PTPRB: variants seen among roughly 807,000 people sequenced by gnomAD.
PTPRB encodes the protein protein tyrosine phosphatase receptor type B, also known as receptor-type tyrosine-protein phosphatase beta.
A neutral mutation model predicts 238.1 loss-of-function variants in PTPRB; 97 were observed. That is an observed-to-expected ratio of 0.41 (90% CI 0.35 to 0.48). PTPRB has a LOEUF of 0.48. Among genes scored for constraint, PTPRB ranks in the 20% least tolerant of loss-of-function variants. PTPRB has a pLI of 0.30. For missense variants in PTPRB, 2,292 were observed against 2,681.9 expected, an observed-to-expected ratio of 0.85 and a Z score of 3.21; for synonymous variants, 970 against 995.4, an observed-to-expected ratio of 0.97 and a Z score of 0.48.
chr12:70,548,795 T>A (rs1235936603), intron 21 of PTPRB, among the ~76,000 whole-genome samples: 1 of 152,200 alleles, frequency 6.6e-6, no homozygotes, highest in African/African-American at 2.4e-5. Context: ...TCACCCTCTG[T>A]TTGAAACTGG....
intron 4 of PTPRB, among the ~76,000 whole-genome samples, chr12:70,607,155 C>A (rs1351418273): frequency 6.6e-6 from 1 of 152,224 alleles, no homozygotes; most frequent in Non-Finnish European, 1.5e-5. Flanking sequence ...ACTAATTACA[C>A]CCACAGTAAG....
intron 28 of PTPRB, 55 bp from the exon 29 acceptor site, chr12:70,536,214 T>A (rs1874101389): frequency 6.4e-7 from 1 of 1,561,346 alleles, no homozygotes; most frequent in South Asian, 1.2e-5. Flanking sequence ...TTCAGAACTA[T>A]AAACAAAGAG....
chr12:70,586,932 A>G (rs1320738151), intron 9 of PTPRB, 75 bp downstream of exon 9: 20 of 1,408,438 alleles, frequency 1.4e-5, no homozygotes, highest in Non-Finnish European at 1.7e-5. Flanking sequence ...GTTAATGAAT[A>G]CTTGTAAATT....
rs747542799 is a variant in PTPRB at position 70,534,903 on chromosome 12, T to G, written c.6134A>C (p.Asp2045Ala). 4 of 1,613,718 alleles carry G rather than the reference T, an allele frequency of 2.5e-6. No individual in the cohort carries two copies. Among genetic ancestry groups the G allele is most frequent in the Non-Finnish European group, 3.4e-6 (4 of 1,179,820 alleles). ...PADQDSLYYGDLILQMLSESV... is the reference protein window; with the variant it reads ...PADQDSLYYGALILQMLSESV... ...CTCTGAGAGCATCTGCAGGATGAGG[T>G]CCCCATAGTAGAGGGAATCCTGGTC... The change falls in exon 30 of 34, where the codon GAC (aspartate) becomes GCC (alanine). Residue 2045 changes from aspartate to alanine, a missense_variant. Asp to Ala is a moderately radical substitution (Grantham distance 126, BLOSUM62 -2). Around this residue, in one of 4 missense-constraint regions of PTPRB, gnomAD observed 397 missense variants for 502.0 expected, o/e 0.79. Coordinates refer to ENST00000334414, the MANE Select transcript of PTPRB (RefSeq NM_001109754.4).
chr12:70,569,221 G>A (rs1227399808), intron 14 of PTPRB, among the ~76,000 whole-genome samples: 1 of 152,044 alleles, frequency 6.6e-6, no homozygotes, highest in Non-Finnish European at 1.5e-5. Context: ...TTCCACCTCA[G>A]CCTTCCAAGC....
chr12:70,634,220 A>G (rs1161889699), intron 2 of PTPRB, among the ~76,000 whole-genome samples: 2 of 152,208 alleles, frequency 1.3e-5, no homozygotes, highest in African/African-American at 2.4e-5. Context: ...AAAATTGTCC[A>G]AAGATTACCA....
intron 4 of PTPRB, among the ~76,000 whole-genome samples, chr12:70,600,316 G>A (rs577703379): frequency 6.6e-6 from 1 of 152,248 alleles, no homozygotes; most frequent in East Asian, 1.9e-4. Flanking sequence ...TGACTCACTC[G>A]TGTTGTATAG....
At chr12:70,613,202 C>T (rs1884537545) in intron 3 of PTPRB, among the ~76,000 whole-genome samples, 1 of 151,926 alleles carries the variant, frequency 6.6e-6, no homozygotes, top group South Asian at 2.1e-4. Flanking sequence ...TAGGTTAATC[C>T]ACACTCCCAT....
Position 70,559,464 on chromosome 12 carries a change from T to A in PTPRB, c.4593A>T (p.Lys1531Asn). ...LTVFNPYNNR[K>N]SEGRIVYGLR... ...GACCATACACAATGCGTCCTTCTGA[T>A]TTTCTGTTGTTGTAGGGGTTGAAGA... The change falls in exon 18 of 34, where the codon AAA (lysine) becomes AAT (asparagine). Residue 1531 changes from lysine (K) to asparagine (N), a missense_variant. Around this residue, in one of 4 missense-constraint regions of PTPRB, gnomAD observed 683 missense variants for 862.0 expected, o/e 0.79. Coordinates refer to ENST00000334414, the MANE Select transcript of PTPRB (RefSeq NM_001109754.4). 1 of 1,613,996 alleles carries A rather than the reference T, an allele frequency of 6.2e-7. No homozygotes were observed. The highest frequency in any genetic ancestry group is 1.7e-5 in the Admixed American group (1 of 60,024).
In PTPRB at chr12:70,604,125, C is replaced by G. The variant is rs560865343; in HGVS notation, c.979+4944G>C. On this transcript the variant is annotated intron_variant, in intron 4 of 33. Coordinates refer to ENST00000334414, the MANE Select transcript of PTPRB (RefSeq NM_001109754.4). ...GTGTGGTATTGGGTACCTGTAGTCC[C>G]AGCCACTCAGGAGGCTGAGGCAGGA... 2.0e-5 allele frequency among the ~76,000 whole-genome samples: 3 copies of G among 152,170 alleles called. No individual in the cohort carries two copies. The South Asian group carries it at 6.2e-4, about 32-fold the overall frequency.
chr12:70,604,739 C>T (rs183498701), intron 4 of PTPRB, among the ~76,000 whole-genome samples: 119 of 152,194 alleles, frequency 7.8e-4, no homozygotes, highest in Middle Eastern at 3.4e-3. Context: ...GCCATTAGAG[C>T]GGGCCCTAAG....
At chr12:70,562,168 C>T (rs1878572890) in intron 16 of PTPRB, among the ~76,000 whole-genome samples, 2 of 152,058 alleles carry the variant, frequency 1.3e-5, no homozygotes, top group Admixed American at 1.3e-4. Context: ...CCTGTAGTCC[C>T]AGCTACTCGG....
intron 16 of PTPRB, among the ~76,000 whole-genome samples, chr12:70,562,316 A>C (rs1251353266): frequency 6.6e-6 from 1 of 152,098 alleles, no homozygotes; most frequent in Non-Finnish European, 1.5e-5. Context: ...ACAGGAGATA[A>C]AGGACTCAAA....
At position 70,538,192 on chromosome 12, in the gene PTPRB, T is replaced by C; in HGVS notation, c.5909A>G (p.Asp1970Gly). ...TRVKLSNVDDDPCSDYINASY... is the reference protein window; with the variant it reads ...TRVKLSNVDDGPCSDYINASY... ...GGCATTGATGTAGTCAGAGCAAGGA[T>C]CATCATCTACATTGGAGAGCTTCAC... The change falls in exon 28 of 34, where the codon GAT becomes GGT. Residue 1970 changes from aspartate to glycine, a missense_variant. Asp to Gly is a moderately conservative substitution (Grantham distance 94). Around this residue, in one of 4 missense-constraint regions of PTPRB, gnomAD observed 397 missense variants for 502.0 expected, o/e 0.79. Transcript: ENST00000334414. 6.2e-7 allele frequency: 1 copy of C among 1,613,796 alleles called. No individual in the cohort carries two copies. Among genetic ancestry groups the C allele is most frequent in the Non-Finnish European group, 8.5e-7 (1 of 1,179,788 alleles).
At position 70,594,695 on chromosome 12, in the gene PTPRB, A is replaced by C. The variant is rs777600991; in HGVS notation, c.1288T>G (p.Ser430Ala). ...VPSPVKDIGI[S>A]TKANSLLISW... is the part of the protein sequence containing the mutation. ...ATCAGGAGAGAATTGGCTTTTGTGG[A>C]AATACCAATATCTTTCACTGGAGAT... is the stretch of plus-strand genomic sequence containing the variant. The change falls in exon 6 of 34, where the codon TCC becomes GCC. Residue 430 changes from serine (S) to alanine (A), a missense_variant. This residue lies in a region of PTPRB where 1,205 missense variants were observed against 1,287.8 expected (regional missense o/e 0.94). Coordinates refer to ENST00000334414, the MANE Select transcript of PTPRB (RefSeq NM_001109754.4). 6.2e-7 allele frequency: 1 copy of C among 1,614,018 alleles called. No homozygotes were observed. The highest frequency in any genetic ancestry group is 1.1e-5 in the South Asian group (1 of 91,080).
intron 23 of PTPRB, chr12:70,540,241 C>T: frequency 2.2e-6 from 1 of 464,590 alleles, no homozygotes; most frequent in Non-Finnish European, 3.8e-6. Context: ...GAAGATTTGT[C>T]TCCTGGTTTT....
intron 32 of PTPRB, among the ~76,000 whole-genome samples, chr12:70,524,989 G>GTGTGTA (rs1555220202): frequency 2.0e-5 from 3 of 149,444 alleles, no homozygotes; most frequent in Admixed American, 6.7e-5. Context: ...GTGTGTGTGT[G>GTGTGTA]TATATATATA....
chr12:70,561,489 G>T (rs1025242458), intron 16 of PTPRB, among the ~76,000 whole-genome samples: 4 of 152,110 alleles, frequency 2.6e-5, no homozygotes, highest in Non-Finnish European at 5.9e-5. Context: ...GCTATTTTTT[G>T]GAGAATGAAG....
intron 32 of PTPRB, among the ~76,000 whole-genome samples, chr12:70,531,062 T>TTTTCA (rs1451243928): frequency 6.6e-6 from 1 of 152,258 alleles, no homozygotes; most frequent in African/African-American, 2.4e-5. Flanking sequence ...TTAATTTTTA[T>TTTTCA]TTTCATTTCT....
Sources: gnomAD v4.1 joint callset for allele counts (sites outside exome capture counted in the v4.1 genomes callset) on GRCh38, gnomAD v4.1.1 for gene constraint, gnomAD v4.1.1 regional missense constraint, MANE v1.5 for transcripts, NCBI Gene and HGNC (gene_info 2026-07-23, HGNC 2026-07-21) for gene names.